Variants in ABLIM1 observed in about 807,000 individuals in gnomAD.
ABLIM1 encodes the protein actin-binding LIM protein 1.
Under a neutral mutation model 107.0 loss-of-function variants are expected in ABLIM1, and 40 were observed. The ratio of observed to expected loss-of-function variants is 0.37; its 90% CI spans 0.29 to 0.49. The LOEUF is 0.49. Ranked by LOEUF, ABLIM1 falls within the 20% of genes least tolerant of loss-of-function variation. The pLI is 0.97. For missense variants in ABLIM1, 857 were observed against 1,008.5 expected (o/e 0.85, Z 2.04); for synonymous variants, 357 against 357.3 (o/e 1.00, Z 0.01).
chr10:114,511,119 A>G (rs760721841), intron 6 of ABLIM1, among the ~76,000 whole-genome samples: 1 of 152,062 alleles, frequency 6.6e-6, no homozygotes, highest in Non-Finnish European at 1.5e-5. Context: ...ATCGCACATT[A>G]TAAGTATAAT....
chr10:114,484,419 G>A (rs566513918), intron 8 of ABLIM1, among the ~76,000 whole-genome samples: 1 of 152,044 alleles, frequency 6.6e-6, no homozygotes, highest in South Asian at 2.1e-4. Context: ...GTCTTGCTCT[G>A]TCATCCCGGC....
intron 1 of ABLIM1, among the ~76,000 whole-genome samples, chr10:114,673,281 AC>A (rs1310209264): frequency 1.8e-4 from 27 of 151,764 alleles, no homozygotes; most frequent in African/African-American, 6.1e-4. Flanking sequence ...CAAAAAAAAA[AC>A]AAAACTCTTT....
the ABLIM1 span, among the ~76,000 whole-genome samples, chr10:114,787,291 C>G: frequency 3.9e-5 from 6 of 151,904 alleles, no homozygotes; most frequent in Middle Eastern, 6.9e-3. Flanking sequence ...AGGAGCCTCT[C>G]TGCCCAGCAG....
intron 8 of ABLIM1, 49 bp downstream of exon 8, chr10:114,487,909 C>G (rs558238425): frequency 4.4e-6 from 7 of 1,599,818 alleles, no homozygotes; most frequent in Non-Finnish European, 6.0e-6. Context: ...TGACCACGAG[C>G]GTATGGCCTA....
intron 19 of ABLIM1, chr10:114,440,799 C>A: frequency 1.5e-6 from 1 of 658,788 alleles, no homozygotes; most frequent in Non-Finnish European, 2.8e-6. Flanking sequence ...ATAGTATGAG[C>A]AATGAATAAA....
chr10:114,495,931 G>T (rs2059607970), intron 6 of ABLIM1, among the ~76,000 whole-genome samples: 1 of 152,182 alleles, frequency 6.6e-6, no homozygotes, highest in Admixed American at 6.5e-5. Flanking sequence ...TGTCACTGCT[G>T]TAACTACCTC....
At chr10:114,792,265 G>A in the ABLIM1 span, among the ~76,000 whole-genome samples, 6 of 152,282 alleles carry the variant, frequency 3.9e-5, no homozygotes, top group Non-Finnish European at 8.8e-5. Flanking sequence ...AGGTTGCAGT[G>A]AGCCAAGATC....
rs762602093 is a variant in ABLIM1 at position 114,547,760 on chromosome 10, T to C, written c.690A>G (p.Gly230=). The change falls in exon 5 of 23, where the codon GGA becomes GGG. Residue 230 remains glycine, a synonymous_variant. Transcript: ENST00000533213. ...GCGCCTGCCCATTCTTGATATCTCTTCCGCAGCCGGCACAATCTGAAAAAG... is the reference window on the plus strand; with the variant it reads ...GCGCCTGCCCATTCTTGATATCTCTCCCGCAGCCGGCACAATCTGAAAAAG... ...TTFSSNCAGC[G]RDIKNGQALL... The C allele has an allele frequency of 6.2e-7, 1 of 1,610,166 alleles. No individual in the cohort carries two copies. The highest frequency in any genetic ancestry group is 1.7e-5 in the Admixed American group (1 of 60,030).
At chr10:114,444,285 T>C in intron 16 of ABLIM1, 151 bp from the exon 17 acceptor site, 1 of 649,746 alleles carries the variant, frequency 1.5e-6, no homozygotes, top group East Asian at 2.8e-5. Context: ...TGGTAGTTCC[T>C]GAAGAGGTAG....
At chr10:114,724,200 A>G (rs184213762) in intron 1 of ABLIM1, among the ~76,000 whole-genome samples, 2 of 152,332 alleles carry the variant, frequency 1.3e-5, no homozygotes, top group East Asian at 3.9e-4. Context: ...AAAAGCCTGT[A>G]ACAAGAGACT....
intron 1 of ABLIM1, among the ~76,000 whole-genome samples, chr10:114,646,262 C>T (rs1415610601): frequency 2.6e-5 from 4 of 152,136 alleles, no homozygotes; most frequent in African/African-American, 9.7e-5. Flanking sequence ...CAATATGCTT[C>T]ATTGGCCATT....
chr10:114,781,576 ATGTG>A, the ABLIM1 span, among the ~76,000 whole-genome samples: 1 of 149,820 alleles, frequency 6.7e-6, no homozygotes, highest in Non-Finnish European at 1.5e-5. Flanking sequence ...GTGTATGTAT[ATGTG>A]TGTGTGAATA....
At chr10:114,598,274 CAAAAA>C (rs58133284) in intron 2 of ABLIM1, among the ~76,000 whole-genome samples, 33 of 63,812 alleles carry the variant, frequency 5.2e-4, no homozygotes, top group Admixed American at 5.0e-3. Context: ...AACTCCATCT[CAAAAA>C]AAAAAAAAAA....
chr10:114,591,705 A>G (rs1451968909), intron 2 of ABLIM1, among the ~76,000 whole-genome samples: 2 of 152,244 alleles, frequency 1.3e-5, no homozygotes, highest in Non-Finnish European at 2.9e-5. Flanking sequence ...TAATTTGTAA[A>G]TAACTATCTA....
upstream of ABLIM1, among the ~76,000 whole-genome samples, chr10:114,661,455 T>C (rs1028863692): frequency 6.6e-6 from 1 of 152,182 alleles, no homozygotes; most frequent in Non-Finnish European, 1.5e-5. Flanking sequence ...GTCTTAAAAA[T>C]AGACTTGCAG....
chr10:114,470,283 C>T (rs568434374), intron 10 of ABLIM1, among the ~76,000 whole-genome samples: 11 of 152,086 alleles, frequency 7.2e-5, no homozygotes, highest in African/African-American at 2.4e-4. Flanking sequence ...ATTAGCCCAG[C>T]ATGGTGGCAC....
intron 1 of ABLIM1, among the ~76,000 whole-genome samples, chr10:114,714,829 A>C (rs1240621079): frequency 6.6e-6 from 1 of 152,220 alleles, no homozygotes; most frequent in Non-Finnish European, 1.5e-5. Context: ...AATTGACCCT[A>C]CATATATTCT....
upstream of ABLIM1, among the ~76,000 whole-genome samples, chr10:114,772,548 G>A (rs964678330): frequency 1.1e-4 from 17 of 152,068 alleles, no homozygotes; most frequent in Admixed American, 1.0e-3. Flanking sequence ...TTGAGGCTGC[G>A]GTGAGCTATG....
intron 1 of ABLIM1, among the ~76,000 whole-genome samples, chr10:114,756,083 AGTGTGTGT>A (rs10624515): frequency 1.3e-5 from 2 of 150,646 alleles, no homozygotes; most frequent in African/African-American, 4.9e-5. Context: ...TGTGTTTGTG[AGTGTGTGT>A]GTGTGTGTGT....
Sources: gnomAD v4.1 joint callset for allele counts (sites outside exome capture counted in the v4.1 genomes callset) on GRCh38, gnomAD v4.1.1 for gene constraint, MANE v1.5 for transcripts, NCBI Gene and HGNC (gene_info 2026-07-23, HGNC 2026-07-21) for gene names.